PMPCB: variants seen among roughly 807,000 people sequenced by gnomAD.
The protein encoded by PMPCB is peptidase, mitochondrial processing subunit beta.
In PMPCB, 46 loss-of-function variants were observed where a neutral mutation model predicts 61.5. The observed-to-expected ratio is 0.75, with a 90% confidence interval of 0.59 to 0.96. The LOEUF (loss-of-function observed/expected upper bound fraction) is 0.96, where lower values mean the gene tolerates loss of function less well. Among genes scored for constraint, PMPCB ranks in the 40% least tolerant of loss-of-function variants. The pLI, the probability that PMPCB is intolerant of heterozygous loss-of-function variation, is 0.00. For synonymous variants in PMPCB, 191 were observed against 201.6 expected (o/e 0.95, Z 0.44); for missense variants, 590 against 602.4 (o/e 0.98, Z 0.22).
downstream of PMPCB, among the ~76,000 whole-genome samples, chr7:103,333,525 T>C (rs1261183791): frequency 6.6e-6 from 1 of 152,234 alleles, no homozygotes; most frequent in Non-Finnish European, 1.5e-5. Context: ...GTAGATAAAA[T>C]AAATGCCCAG....
At chr7:103,305,909 G>A (rs1586044695) in intron 6 of PMPCB, among the ~76,000 whole-genome samples, 1 of 152,146 alleles carries the variant, frequency 6.6e-6, no homozygotes, top group Non-Finnish European at 1.5e-5. Context: ...AGCTTTCTGG[G>A]ACCTCTCTGC....
chr7:103,302,081 C>T (rs145667325), intron 4 of PMPCB, among the ~76,000 whole-genome samples: 8,872 of 152,126 alleles, frequency 0.058, 464 homozygotes, highest in East Asian at 0.27. Flanking sequence ...ATAGTTTGCT[C>T]AGAATGATGG....
intron 12 of PMPCB, chr7:103,323,606 T>A: frequency 6.8e-7 from 1 of 1,467,128 alleles, no homozygotes; most frequent in South Asian, 1.3e-5. Flanking sequence ...ACCATTCTGC[T>A]TTTTCTTTTT....
chr7:103,307,566 T>TA, intron 6 of PMPCB, 30 bp from the exon 7 acceptor site: 1 of 1,268,114 alleles, frequency 7.9e-7, no homozygotes. Flanking sequence ...TGCTGCTAGA[T>TA]ACATGTGAAA....
the PMPCB span, among the ~76,000 whole-genome samples, chr7:103,339,164 G>C: frequency 6.6e-6 from 1 of 152,094 alleles, no homozygotes; most frequent in Admixed American, 6.5e-5. Flanking sequence ...ACATGTTCTT[G>C]TTTACTTATT....
At chr7:103,333,304 A>G (rs1441456512), downstream of PMPCB, among the ~76,000 whole-genome samples, 3 of 152,224 alleles carry the variant, frequency 2.0e-5, no homozygotes, top group African/African-American at 7.2e-5. Context: ...AAAAAGTAAC[A>G]GAATAGGTTA....
At chr7:103,311,366 G>A in intron 9 of PMPCB, 2 of 450,354 alleles carry the variant, frequency 4.4e-6, no homozygotes, top group East Asian at 3.9e-5. Context: ...CAACAGATGA[G>A]GACTCATGAA....
the PMPCB span, among the ~76,000 whole-genome samples, chr7:103,346,875 A>G: frequency 1.3e-5 from 2 of 151,490 alleles, no homozygotes; most frequent in East Asian, 3.9e-4. Flanking sequence ...CGTGTATCAC[A>G]TTTTGTTTAT....
At chr7:103,307,027 G>A (rs1041140453) in intron 6 of PMPCB, among the ~76,000 whole-genome samples, 3 of 152,036 alleles carry the variant, frequency 2.0e-5, no homozygotes, top group South Asian at 2.1e-4. Flanking sequence ...CCAAAGTGCC[G>A]GGATTACAGG....
Position 103,307,834 on chromosome 7 carries a change from T to G in PMPCB, c.849+126T>G, listed in dbSNP as rs1001905437. On this transcript the variant is annotated intron_variant, in intron 7 of 12. Coordinates refer to ENST00000249269, the MANE Select transcript of PMPCB (RefSeq NM_004279.3). ...GGAATAATAGGAAAAGGGAAGAGGATGTACTCATTTGCTTACATTCCTTCC... is the reference window on the plus strand; with the variant it reads ...GGAATAATAGGAAAAGGGAAGAGGAGGTACTCATTTGCTTACATTCCTTCC... 1.5e-5 allele frequency: 9 copies of G among 616,694 alleles called. No individual in the cohort carries two copies. The Admixed American group carries it at 2.2e-4, about 15-fold the overall frequency. The allele number at this position is 616,694 out of a possible 1,614,324, so 38.2% of individuals were successfully genotyped here. A position where few individuals can be genotyped will look rare whatever the true frequency, so the allele number is the denominator to read the frequency against.
At chr7:103,325,999 AT>A (rs984843048) in intron 12 of PMPCB, among the ~76,000 whole-genome samples, 23 of 148,124 alleles carry the variant, frequency 1.6e-4, no homozygotes, top group Non-Finnish European at 2.3e-4. Context: ...TCAAAGCAAA[AT>A]TTTTTTTTTT....
At chr7:103,340,487 G>A in the PMPCB span, among the ~76,000 whole-genome samples, 1 of 152,172 alleles carries the variant, frequency 6.6e-6, no homozygotes. Context: ...CATTTATCAT[G>A]CAGCAAGTAC....
rs766904632 is a variant in PMPCB, at chr7:103,314,280, ATAAAT to A, written c.*2014_*2018del. ...TCTCCAGTTACTTCACAATACCAAAATAAATTAAACGTACTGTTGCAAAACTCCTA... is the reference window on the plus strand; with the variant it reads ...TCTCCAGTTACTTCACAATACCAAAATAAACGTACTGTTGCAAAACTCCTA... On this transcript the variant is annotated 3_prime_UTR_variant, in exon 13 of 13. Transcript: ENST00000249269. 225 of 985,424 alleles carry A rather than the reference ATAAAT, an allele frequency of 2.3e-4. No individual in the cohort carries two copies. In the Middle Eastern group the frequency reaches 2.6e-3, roughly 11 times the overall value. The allele number at this position is 985,424 out of a possible 1,614,324, so 61.0% of individuals were successfully genotyped here.
chr7:103,316,978 C>T (rs751498127), downstream of PMPCB: 23 of 1,613,734 alleles, frequency 1.4e-5, no homozygotes, highest in Admixed American at 3.8e-4. Flanking sequence ...TCAGCTTCCT[C>T]TTTCTCTTTT....
Position 103,320,335 on chromosome 7 carries a change from G to A in PMPCB, c.*1431+8204G>A, listed in dbSNP as rs188970443. ...GAACTCCTGACCTTGTGATCCACCCGCCTCAGCCTCCCAAAGTGCTGGTTA... is the reference window on the plus strand; with the variant it reads ...GAACTCCTGACCTTGTGATCCACCCACCTCAGCCTCCCAAAGTGCTGGTTA... On this transcript the variant is annotated intron_variant and NMD_transcript_variant, in intron 12 of 12. Transcript: ENST00000444457. 2.8e-3 allele frequency among the ~76,000 whole-genome samples: 423 copies of A among 151,936 alleles called. 9 individuals are homozygous for A. The highest frequency in any genetic ancestry group is 0.025 in the Admixed American group (389 of 15,268).
Position 103,314,188 on chromosome 7 carries a change from AATACC to A in PMPCB, c.*1921_*1925del. 1.0e-6 allele frequency: 1 copy of A among 985,398 alleles called. No homozygotes were observed. Among genetic ancestry groups the A allele is most frequent in the Non-Finnish European group, 1.2e-6 (1 of 829,912 alleles). 61.0% of individuals were successfully genotyped at this position (985,398 alleles called of 1,614,324 possible). A position where few individuals can be genotyped will look rare whatever the true frequency, so the allele number is the denominator to read the frequency against. On this transcript the variant is annotated 3_prime_UTR_variant, in exon 13 of 13. Coordinates refer to ENST00000249269, the MANE Select transcript of PMPCB (RefSeq NM_004279.3). The stretch of plus-strand genomic sequence containing the variant: ...TTCCTTGTATTGGTTTAAAGCCCTA[AATACC>A]ATAGATTTTATTTCCTCTCTTGGAA...
Position 103,314,024 on chromosome 7 carries a change from A to AAAAAC in PMPCB, c.*1774_*1778dup, listed in dbSNP as rs370020947. ...AAAGTTCCTTCCCAATTAAAGAAGG[A>AAAAAC]AAAACAAAACAAAACAAAACAAAAC... is the stretch of plus-strand genomic sequence containing the variant. On this transcript the variant is annotated 3_prime_UTR_variant, in exon 13 of 13. Coordinates refer to ENST00000249269, the MANE Select transcript of PMPCB (RefSeq NM_004279.3). The AAAAAC allele has an allele frequency of 1.5e-4, 151 of 985,438 alleles. No homozygotes were observed. The highest frequency in any genetic ancestry group is 1.0e-3 in the Middle Eastern group (2 of 1,912). 61.0% of individuals were successfully genotyped at this position (985,438 alleles called of 1,614,324 possible). A position where few individuals can be genotyped will look rare whatever the true frequency, so the allele number is the denominator to read the frequency against.
chr7:103,336,162 T>A, the PMPCB span: 1 of 152,142 alleles, frequency 6.6e-6, no homozygotes, highest in African/African-American at 2.4e-5. Context: ...TACGAAATTC[T>A]GTCTCAAAAA....
chr7:103,316,669 C>CT, downstream of PMPCB: 3 of 625,208 alleles, frequency 4.8e-6, no homozygotes, highest in Non-Finnish European at 8.4e-6. Flanking sequence ...ATGGGTAAGA[C>CT]TGACAGCTTC....
Sources: gnomAD v4.1 joint callset for allele counts (sites outside exome capture counted in the v4.1 genomes callset) on GRCh38, gnomAD v4.1.1 for gene constraint, MANE v1.5 for transcripts, NCBI Gene and HGNC (gene_info 2026-07-23, HGNC 2026-07-21) for gene names.